Variants in HIVEP2 observed in about 807,000 individuals in gnomAD.
HIVEP2 encodes the protein transcription factor HIVEP2.
Under a neutral mutation model 180.7 loss-of-function variants are expected in HIVEP2, and 14 were observed. The observed-to-expected ratio is 0.08, with a 90% confidence interval of 0.05 to 0.12. The LOEUF (loss-of-function observed/expected upper bound fraction) is 0.12, where lower values mean the gene tolerates loss of function less well. HIVEP2 is among the 10% of genes least tolerant of loss of function. The probability of loss-of-function intolerance (pLI) is 1.00; values close to 1 mark genes in which losing one functional copy is unlikely to be tolerated. For synonymous variants in HIVEP2, 1,184 were observed against 1,136.4 expected, an observed-to-expected ratio of 1.04 and a Z score of -0.84; for missense variants, 2,579 against 3,008.5, an observed-to-expected ratio of 0.86 and a Z score of 3.34.
intron 1 of HIVEP2, among the ~76,000 whole-genome samples, chr6:142,882,638 G>A (rs994528149): frequency 1.0e-4 from 15 of 144,118 alleles, no homozygotes; most frequent in African/African-American, 3.8e-4. Context: ...GGGGGGAGGG[G>A]AGGGGAGGGA....
In HIVEP2 at chr6:142,761,559, A is replaced by C; in HGVS notation, c.5525T>G (p.Leu1842Arg). ...CNFAFKTKGN[L>R]TKHMKSKAHM... ...TGCTTTAGATTTCATATGCTTCGTT[A>C]GGTTTCCTTGAAAATGTAGCAAAAA... is the stretch of plus-strand genomic sequence containing the variant. Residue 1842 changes from leucine (L) to arginine (R), a missense_variant, in exon 8 of 10, where the codon CTA becomes CGA. Around this residue, in one of 11 missense-constraint regions of HIVEP2, gnomAD observed 21 missense variants for 86.8 expected, o/e 0.24. Transcript: ENST00000367603. 6.3e-7 allele frequency: 1 copy of C among 1,586,914 alleles called. No individual in the cohort carries two copies. The highest frequency in any genetic ancestry group is 8.6e-7 in the Non-Finnish European group (1 of 1,156,628).
intron 1 of HIVEP2, among the ~76,000 whole-genome samples, chr6:142,882,153 G>A (rs11969269): frequency 0.059 from 9,042 of 152,212 alleles, 559 homozygotes; most frequent in East Asian, 0.17. Flanking sequence ...AATACAATGT[G>A]TAATTTTGAG....
intron 1 of HIVEP2, among the ~76,000 whole-genome samples, chr6:142,868,829 C>G (rs1274483208): frequency 6.6e-6 from 1 of 152,274 alleles, no homozygotes; most frequent in East Asian, 1.9e-4. Flanking sequence ...TCAGAAAACA[C>G]TTATCCTAAC....
Position 142,770,437 on chromosome 6 carries a change from G to C in HIVEP2, c.4302C>G (p.Thr1434=), listed in dbSNP as rs1775497582. ...CLPSTSDSVA[T]LGGSKRMLSP... is the part of the protein sequence containing the mutation. ...AAAGCATTCGCTTGCTACCTCCCAG[G>C]GTGGCCACGCTGTCAGAGGTGGAAG... The change falls in exon 5 of 10, where the codon ACC becomes ACG. Residue 1434 remains threonine, a synonymous_variant. Coordinates refer to ENST00000367603, the MANE Select transcript of HIVEP2 (RefSeq NM_006734.4). The surrounding 1 kb of genome is among the most constrained non-coding windows in gnomAD (Gnocchi z 4.7). The C allele has an allele frequency of 1.2e-6, 2 of 1,614,044 alleles. No homozygotes were observed. The highest frequency in any genetic ancestry group is 2.7e-5 in the African/African-American group (2 of 74,916).
intron 1 of HIVEP2, among the ~76,000 whole-genome samples, chr6:142,866,656 T>G (rs981908069): frequency 6.6e-6 from 1 of 152,204 alleles, no homozygotes; most frequent in South Asian, 2.1e-4. Context: ...AAATAGGTAC[T>G]TTGATGCTAA....
intron 1 of HIVEP2, among the ~76,000 whole-genome samples, chr6:142,840,034 A>G (rs1775323467): frequency 6.6e-6 from 1 of 152,112 alleles, no homozygotes; most frequent in Non-Finnish European, 1.5e-5. Flanking sequence ...TTAGGATGGG[A>G]AGGAAAAGGG....
intron 1 of HIVEP2, among the ~76,000 whole-genome samples, chr6:142,928,375 C>T (rs922448821): frequency 2.0e-5 from 3 of 152,146 alleles, no homozygotes. Flanking sequence ...GAAATCATCT[C>T]GATGTTTTCA....
chr6:142,774,385 G>A lies in HIVEP2; in HGVS notation c.354C>T (p.Ser118=), dbSNP rs1371404483. The change falls in exon 5 of 10, where the codon AGC becomes AGT. Residue 118 remains serine, a synonymous_variant. Transcript: ENST00000367603. The surrounding 1 kb of genome is among the most constrained non-coding windows in gnomAD (Gnocchi z 5.1). The stretch of plus-strand genomic sequence containing the variant: ...GGAAAAGCCACGGAGGACCTTCGAG[G>A]CTCTGATGTGGCTTGGTGCTGTGCA... The part of the protein sequence containing the change: ...GVMHSTKPHQ[S]LEGPPWLFPG... 6.2e-6 allele frequency: 10 copies of A among 1,614,214 alleles called. No homozygotes were observed. Among genetic ancestry groups the A allele is most frequent in the African/African-American group, 1.3e-5 (1 of 75,064 alleles).
chr6:142,873,433 T>C (rs374006735), intron 1 of HIVEP2, among the ~76,000 whole-genome samples: 2 of 152,202 alleles, frequency 1.3e-5, no homozygotes, highest in Admixed American at 1.3e-4. Context: ...TGAACACCAA[T>C]ACTATTGACT....
At chr6:142,878,378 G>A (rs938335738) in intron 1 of HIVEP2, among the ~76,000 whole-genome samples, 3 of 152,136 alleles carry the variant, frequency 2.0e-5, no homozygotes, top group Admixed American at 6.6e-5. Flanking sequence ...AAATGGCAAC[G>A]AATTTATACA....
chr6:142,936,247 C>T (rs994278000), intron 1 of HIVEP2, among the ~76,000 whole-genome samples: 4 of 150,724 alleles, frequency 2.7e-5, no homozygotes, highest in African/African-American at 7.3e-5. Context: ...GGCTGGAGTG[C>T]GGTGGGGCGA....
At chr6:142,787,424 C>T (rs11969296) in intron 2 of HIVEP2, among the ~76,000 whole-genome samples, 342 of 152,076 alleles carry the variant, frequency 2.2e-3, no homozygotes, top group African/African-American at 7.7e-3. Flanking sequence ...AGAGAAGAGA[C>T]ACTTTACTCT....
chr6:142,804,544 G>GA (rs1053134343), intron 2 of HIVEP2, among the ~76,000 whole-genome samples: 23 of 149,348 alleles, frequency 1.5e-4, no homozygotes, highest in African/African-American at 4.7e-4. Flanking sequence ...GAATCAAATT[G>GA]AAAAAAAAAT....
intron 1 of HIVEP2, among the ~76,000 whole-genome samples, chr6:142,906,994 C>T (rs1777278670): frequency 1.3e-5 from 2 of 152,188 alleles, no homozygotes; most frequent in South Asian, 4.2e-4. Flanking sequence ...CTCCCAAATG[C>T]ATCAACCAGT....
chr6:142,851,313 A>T (rs973871242), intron 1 of HIVEP2, among the ~76,000 whole-genome samples: 2 of 152,214 alleles, frequency 1.3e-5, no homozygotes, highest in African/African-American at 4.8e-5. Context: ...CACCCCAAGC[A>T]TGATTTAATT....
chr6:142,924,008 C>T (rs1562294076), intron 1 of HIVEP2, among the ~76,000 whole-genome samples: 1 of 152,168 alleles, frequency 6.6e-6, no homozygotes, highest in Non-Finnish European at 1.5e-5. Flanking sequence ...TTCAGCTTTG[C>T]TAAATGTCTT....
chr6:142,761,574 T>G lies in HIVEP2; in HGVS notation c.5519-9A>C. 1.3e-6 allele frequency: 2 copies of G among 1,488,156 alleles called. No homozygotes were observed. Among genetic ancestry groups the G allele is most frequent in the South Asian group, 1.1e-5 (1 of 88,312 alleles). The allele number at this position is 1,488,156 out of a possible 1,614,324, so 92.2% of individuals were successfully genotyped here. On this transcript the variant is annotated splice_polypyrimidine_tract_variant and intron_variant, in intron 7 of 9. Coordinates refer to ENST00000367603, the MANE Select transcript of HIVEP2 (RefSeq NM_006734.4). ...ATGCTTCGTTAGGTTTCCTTGAAAA[T>G]GTAGCAAAAAAAAGAGAGAAATTAA...
intron 2 of HIVEP2, among the ~76,000 whole-genome samples, chr6:142,822,222 G>A (rs1157294839): frequency 6.6e-6 from 1 of 152,146 alleles, no homozygotes; most frequent in Admixed American, 6.5e-5. Context: ...GACCTCCTTG[G>A]CAGTCTGATG....
chr6:142,867,612 T>C (rs1776172965), intron 1 of HIVEP2, among the ~76,000 whole-genome samples: 1 of 152,140 alleles, frequency 6.6e-6, no homozygotes, highest in Admixed American at 6.6e-5. Flanking sequence ...GAAAGTGACA[T>C]AAATACAGAG....
Sources: gnomAD v4.1 joint callset for allele counts (sites outside exome capture counted in the v4.1 genomes callset) on GRCh38, gnomAD v4.1.1 for gene constraint, gnomAD v4.1.1 regional missense constraint, Gnocchi (gnomAD v3.1) non-coding constraint, MANE v1.5 for transcripts, NCBI Gene and HGNC (gene_info 2026-07-23, HGNC 2026-07-21) for gene names.